Variants in CADPS2 observed in about 807,000 individuals in gnomAD.
The protein encoded by CADPS2 is calcium-dependent secretion activator 2.
In CADPS2, 93 loss-of-function variants were observed where a neutral mutation model predicts 172.5. The ratio of observed to expected loss-of-function variants is 0.54; its 90% CI spans 0.46 to 0.64. The LOEUF is 0.64. Ranked by LOEUF, CADPS2 falls within the 30% of genes least tolerant of loss-of-function variation. The pLI, the probability that CADPS2 is intolerant of heterozygous loss-of-function variation, is 0.00. For synonymous variants in CADPS2, 546 were observed against 555.2 expected (o/e 0.98, Z 0.23); for missense variants, 1,420 against 1,565.9 (o/e 0.91, Z 1.57).
chr7:122,545,278 T>A (rs1170498772), intron 8 of CADPS2, among the ~76,000 whole-genome samples: 1 of 152,106 alleles, frequency 6.6e-6, no homozygotes, highest in Non-Finnish European at 1.5e-5. Context: ...TGAGGAAACA[T>A]TAGTTACACA....
intron 3 of CADPS2, among the ~76,000 whole-genome samples, chr7:122,653,419 G>T (rs1286414061): frequency 6.6e-6 from 1 of 152,098 alleles, no homozygotes; most frequent in Non-Finnish European, 1.5e-5. Flanking sequence ...CCTCCCCAAG[G>T]CCTGCTCTTC....
chr7:122,696,408 C>A (rs933201032), intron 2 of CADPS2, among the ~76,000 whole-genome samples: 5 of 152,188 alleles, frequency 3.3e-5, no homozygotes, highest in African/African-American at 1.2e-4. Context: ...CTTTGTGTAC[C>A]AAGCAAGGCA....
At chr7:122,578,070 A>G (rs1414059800) in intron 7 of CADPS2, among the ~76,000 whole-genome samples, 1 of 151,244 alleles carries the variant, frequency 6.6e-6, no homozygotes, top group African/African-American at 2.4e-5. Flanking sequence ...AAAAGTAGAT[A>G]TATATATGTG....
intron 3 of CADPS2, among the ~76,000 whole-genome samples, chr7:122,647,756 T>C (rs1449904666): frequency 6.6e-6 from 1 of 152,158 alleles, no homozygotes; most frequent in Non-Finnish European, 1.5e-5. Context: ...TAAAAAAAGC[T>C]TTATATGAAA....
intron 2 of CADPS2, among the ~76,000 whole-genome samples, chr7:122,723,078 T>G (rs2090652311): frequency 6.6e-6 from 1 of 152,074 alleles, no homozygotes; most frequent in South Asian, 2.1e-4. Flanking sequence ...ATAAAAACCC[T>G]AGAAGAAAAC....
intron 6 of CADPS2, among the ~76,000 whole-genome samples, chr7:122,584,387 C>T (rs1365062338): frequency 2.6e-5 from 4 of 151,850 alleles, no homozygotes; most frequent in African/African-American, 4.8e-5. Flanking sequence ...AGTACTTATA[C>T]AAAGTTGTAA....
At chr7:122,541,170 A>G (rs1255492986) in intron 8 of CADPS2, among the ~76,000 whole-genome samples, 1 of 151,854 alleles carries the variant, frequency 6.6e-6, no homozygotes, top group East Asian at 1.9e-4. Context: ...TATACCTAAG[A>G]ATATTTTTTA....
At chr7:122,672,789 G>A (rs2081991992) in intron 2 of CADPS2, among the ~76,000 whole-genome samples, 1 of 152,214 alleles carries the variant, frequency 6.6e-6, no homozygotes. Flanking sequence ...CTTATTCAGT[G>A]TGGCGTTTAG....
At chr7:122,405,368 A>G (rs1004496338) in intron 20 of CADPS2, among the ~76,000 whole-genome samples, 1 of 152,158 alleles carries the variant, frequency 6.6e-6, no homozygotes, top group Admixed American at 6.5e-5. Flanking sequence ...CTGGAACTTA[A>G]AAATTGGCTG....
intron 27 of CADPS2, among the ~76,000 whole-genome samples, chr7:122,353,971 T>C (rs1563132177): frequency 6.6e-6 from 1 of 152,134 alleles, no homozygotes; most frequent in African/African-American, 2.4e-5. Flanking sequence ...AGATTTTTTT[T>C]CCCTCTTTCT....
At chr7:122,778,998 T>A (rs1053740121) in intron 1 of CADPS2, among the ~76,000 whole-genome samples, 1 of 152,092 alleles carries the variant, frequency 6.6e-6, no homozygotes, top group Non-Finnish European at 1.5e-5. Context: ...CTTGTGATAG[T>A]GAATAAGTCC....
intron 25 of CADPS2, among the ~76,000 whole-genome samples, chr7:122,361,220 TAC>T (rs1382627761): frequency 6.8e-6 from 1 of 146,466 alleles, no homozygotes; most frequent in Non-Finnish European, 1.5e-5. Context: ...CTGGAAATAA[TAC>T]ACTTTTTTTT....
intron 3 of CADPS2, among the ~76,000 whole-genome samples, chr7:122,634,906 T>C (rs2076918032): frequency 6.6e-6 from 1 of 152,198 alleles, no homozygotes; most frequent in African/African-American, 2.4e-5. Context: ...ATTTCATTGC[T>C]CACCCAGGAT....
At chr7:122,686,431 G>C (rs1018062565) in intron 2 of CADPS2, among the ~76,000 whole-genome samples, 1 of 152,112 alleles carries the variant, frequency 6.6e-6, no homozygotes, top group Non-Finnish European at 1.5e-5. Flanking sequence ...ATGCATCATT[G>C]CTGAAAATGA....
At chr7:122,334,200 A>G (rs1410177400) in intron 28 of CADPS2, among the ~76,000 whole-genome samples, 1 of 152,082 alleles carries the variant, frequency 6.6e-6, no homozygotes, top group Non-Finnish European at 1.5e-5. Flanking sequence ...ATATATGAGA[A>G]TACACACACA....
intron 1 of CADPS2, among the ~76,000 whole-genome samples, chr7:122,819,580 G>A (rs534322702): frequency 6.6e-6 from 1 of 152,038 alleles, no homozygotes; most frequent in South Asian, 2.1e-4. Flanking sequence ...TTGACAGCCA[G>A]GCTTCTAAAC....
chr7:122,425,223 C>A (rs531013417), intron 17 of CADPS2, among the ~76,000 whole-genome samples: 1 of 151,878 alleles, frequency 6.6e-6, no homozygotes, highest in East Asian at 1.9e-4. Context: ...TCAAGTGATC[C>A]ATCTTTATCA....
At chr7:122,720,082 T>C (rs1375934658) in intron 2 of CADPS2, among the ~76,000 whole-genome samples, 1 of 152,092 alleles carries the variant, frequency 6.6e-6, no homozygotes, top group Non-Finnish European at 1.5e-5. Context: ...ACTATTTCAA[T>C]ACCAAATAAT....
intron 8 of CADPS2, among the ~76,000 whole-genome samples, chr7:122,536,097 A>C (rs1253336893): frequency 1.3e-5 from 2 of 152,118 alleles, no homozygotes; most frequent in Non-Finnish European, 2.9e-5. Context: ...TTTATAATGT[A>C]AATTTATCTC....
Sources: gnomAD v4.1 joint callset for allele counts (sites outside exome capture counted in the v4.1 genomes callset) on GRCh38, gnomAD v4.1.1 for gene constraint, MANE v1.5 for transcripts, NCBI Gene and HGNC (gene_info 2026-07-23, HGNC 2026-07-21) for gene names.